The following BPHL variants were observed in gnomAD, a reference collection of about 807,000 sequenced individuals.
The protein encoded by BPHL is serine hydrolase BPHL.
BPHL carries 27 observed loss-of-function variants against 31.2 expected under a neutral mutation model. The ratio of observed to expected loss-of-function variants is 0.87; its 90% CI spans 0.64 to 1.19. BPHL has a LOEUF of 1.19. BPHL is among the 50% of genes most tolerant of loss of function. The pLI is 0.00. For missense variants in BPHL, 356 were observed against 375.7 expected (o/e 0.95, Z 0.43); for synonymous variants, 150 against 146.8 (o/e 1.02, Z -0.16).
intron 4 of BPHL, among the ~76,000 whole-genome samples, chr6:3,131,540 T>C (rs1438283416): frequency 6.6e-6 from 1 of 152,196 alleles, no homozygotes; most frequent in African/African-American, 2.4e-5. Flanking sequence ...GGTAGTTTGT[T>C]CTCCATAGGA....
intron 5 of BPHL, chr6:3,138,032 T>G (rs774348298): frequency 4.8e-6 from 6 of 1,261,106 alleles, no homozygotes; most frequent in Middle Eastern, 2.2e-4. Context: ...CCTATTCTTT[T>G]TTTTTTAGAT....
intron 2 of BPHL, 111 bp downstream of exon 2, chr6:3,123,871 T>TCATATCCATGTAAGGTC: frequency 1.1e-6 from 1 of 885,042 alleles, no homozygotes; most frequent in African/African-American, 1.7e-5. Context: ...TTGAAATGTT[T>TCATATCCATGTAAGGTC]TCATATTTGC....
At chr6:3,152,350 AT>A in intron 6 of BPHL, 137 bp from the exon 7 acceptor site, 2 of 681,560 alleles carry the variant, frequency 2.9e-6, no homozygotes, top group Non-Finnish European at 2.5e-6. Context: ...GATGGGTTAC[AT>A]TTTTCTCCTC....
chr6:3,145,197 TTC>T (rs2113773041), intron 6 of BPHL, among the ~76,000 whole-genome samples: 1 of 88,450 alleles, frequency 1.1e-5, no homozygotes, highest in African/African-American at 4.4e-5. Context: ...GGAGTGCTGG[TTC>T]GGGGTGGAGT....
At chr6:3,118,604 C>G, upstream of BPHL, 1 of 581,218 alleles carries the variant, frequency 1.7e-6, no homozygotes, top group African/African-American at 1.9e-5. Context: ...GGCTTCGGGG[C>G]GGGGCGGGCA....
rs1360542733 is a variant in BPHL at position 3,152,764 on chromosome 6, C to T, written c.*189C>T. 7 of 504,156 alleles carry T rather than the reference C, an allele frequency of 1.4e-5. No individual in the cohort carries two copies. The highest frequency in any genetic ancestry group is 2.4e-5 in the Non-Finnish European group (7 of 289,532). The allele number at this position is 504,156 out of a possible 1,614,324, so 31.2% of individuals were successfully genotyped here. A position where few individuals can be genotyped will look rare whatever the true frequency, so the allele number is the denominator to read the frequency against. On this transcript the variant is annotated 3_prime_UTR_variant, in exon 7 of 7. Transcript: ENST00000380379. ...GCTTCAGGCTGGGCACGGTGGCTCA[C>T]AGCTATAATCTCAGCACTTTGGGAG...
chr6:3,123,410 G>A (rs540270676), intron 1 of BPHL, among the ~76,000 whole-genome samples: 171 of 152,302 alleles, frequency 1.1e-3, no homozygotes, highest in African/African-American at 3.8e-3. Context: ...ATAGATACAA[G>A]GTGTAGTGAT....
chr6:3,137,675 C>T (rs940380466), intron 5 of BPHL, among the ~76,000 whole-genome samples, 182 bp downstream of exon 5: 6 of 152,160 alleles, frequency 3.9e-5, no homozygotes, highest in Non-Finnish European at 1.5e-5. Context: ...GTCAATCTGG[C>T]TTAACGGAGA....
At chr6:3,131,855 C>T (rs72843320) in intron 4 of BPHL, among the ~76,000 whole-genome samples, 57 of 152,340 alleles carry the variant, frequency 3.7e-4, no homozygotes, top group Non-Finnish European at 7.3e-4. Flanking sequence ...GACACAGCTC[C>T]TTGGGCCTCC....
At chr6:3,133,347 A>G (rs922418668) in intron 4 of BPHL, among the ~76,000 whole-genome samples, 1 of 152,022 alleles carries the variant, frequency 6.6e-6, no homozygotes, top group African/African-American at 2.4e-5. Context: ...TGCCTCTCCA[A>G]CCGGTCCAGG....
At position 3,140,740 on chromosome 6, in the gene BPHL, C is replaced by T. The variant is rs1386295947; in HGVS notation, c.788+231C>T. Among the ~76,000 whole-genome samples, 1 of 152,196 alleles carries T rather than the reference C, an allele frequency of 6.6e-6. No individual in the cohort carries two copies. Among genetic ancestry groups the T allele is most frequent in the Non-Finnish European group, 1.5e-5 (1 of 68,048 alleles). Reference sequence around the variant, plus strand: ...GGCATGTTCAGATAGACAGCTCTTACTTTCATGAGTGGCAAACATGCTCAT... The same window carrying T: ...GGCATGTTCAGATAGACAGCTCTTATTTTCATGAGTGGCAAACATGCTCAT... On this transcript the variant is annotated intron_variant, in intron 6 of 6. Transcript: ENST00000380379. This position sits in a 1 kb window ranked among gnomAD's most constrained non-coding sequence, Gnocchi z 5.2.
chr6:3,131,924 C>A (rs1317389803), intron 4 of BPHL, among the ~76,000 whole-genome samples: 1 of 152,194 alleles, frequency 6.6e-6, no homozygotes, highest in Non-Finnish European at 1.5e-5. Flanking sequence ...TCCTGGACCC[C>A]GCCACACCTT....
intron 1 of BPHL, 46 bp from the exon 2 acceptor site, chr6:3,123,611 C>T (rs1406906609): frequency 6.5e-6 from 10 of 1,539,090 alleles, no homozygotes; most frequent in Non-Finnish European, 8.1e-6. Context: ...AAGAAATCTT[C>T]CCATCTCCCC....
rs369891214 is a variant in BPHL, at chr6:3,129,162, G to A, written c.496G>A (p.Ala166Thr). The A allele has an allele frequency of 1.4e-5, 22 of 1,608,278 alleles. No homozygotes were observed. In the African/African-American group the frequency reaches 2.1e-4, roughly 16 times the overall value. Residue 166 changes from alanine to threonine, a missense_variant, in exon 4 of 7, where the codon GCC becomes ACC. Transcript: ENST00000380379. ...IHKMVIWGAN[A>T]YVTDEDSMIY... is the part of the protein sequence containing the mutation. ...CAAGATGGTGATCTGGGGCGCCAAC[G>A]CCTACGTCACTGACGAAGACAGCAT...
chr6:3,122,650 G>A (rs1761607441), intron 1 of BPHL, among the ~76,000 whole-genome samples: 1 of 152,134 alleles, frequency 6.6e-6, no homozygotes, highest in Non-Finnish European at 1.5e-5. Flanking sequence ...GTTAGATGCT[G>A]GATCCTAGGA....
chr6:3,130,156 C>T (rs1761834122), intron 4 of BPHL, among the ~76,000 whole-genome samples: 1 of 152,192 alleles, frequency 6.6e-6, no homozygotes, highest in South Asian at 2.1e-4. Flanking sequence ...TCAGCCTGTG[C>T]ATTACACCTA....
chr6:3,146,031 G>GAT (rs1762338298), intron 6 of BPHL, among the ~76,000 whole-genome samples: 1 of 49,310 alleles, frequency 2.0e-5, no homozygotes, highest in Non-Finnish European at 4.6e-5. Flanking sequence ...TCCGAGTGCT[G>GAT]GTTCGGGTGG....
In BPHL at chr6:3,140,373, G is replaced by A; in HGVS notation, c.665-13G>A. The A allele has an allele frequency of 1.9e-6, 3 of 1,614,092 alleles. No individual in the cohort carries two copies. Among genetic ancestry groups the A allele is most frequent in the South Asian group, 1.1e-5 (1 of 91,072 alleles). The stretch of plus-strand genomic sequence containing the variant: ...TGCACTAAAGCAGATTCCTCGTGCT[G>A]TGTATCCGTCAGGTAACATCTGCCG... On this transcript the variant is annotated splice_polypyrimidine_tract_variant and intron_variant, in intron 5 of 6. Transcript: ENST00000380379. The surrounding 1 kb of genome is among the most constrained non-coding windows in gnomAD (Gnocchi z 5.2).
Position 3,149,238 on chromosome 6 carries a change from G to A in BPHL, c.789-3250G>A, listed in dbSNP as rs1166746939. On this transcript the variant is annotated intron_variant, in intron 6 of 6. Coordinates refer to ENST00000380379, the MANE Select transcript of BPHL (RefSeq NM_004332.4). This position sits in a 1 kb window ranked among gnomAD's most constrained non-coding sequence, Gnocchi z 4.6. ...AAAGCCAGTGTTTTCCTCCCACGAT[G>A]ATGCCTCCAGTTTACATCCAAATGT... 6.6e-6 allele frequency among the ~76,000 whole-genome samples: 1 copy of A among 152,098 alleles called. No homozygotes were observed. Among genetic ancestry groups the A allele is most frequent in the African/African-American group, 2.4e-5 (1 of 41,408 alleles).
Sources: gnomAD v4.1 joint callset for allele counts (sites outside exome capture counted in the v4.1 genomes callset) on GRCh38, gnomAD v4.1.1 for gene constraint, Gnocchi (gnomAD v3.1) non-coding constraint, MANE v1.5 for transcripts, NCBI Gene and HGNC (gene_info 2026-07-23, HGNC 2026-07-21) for gene names.